Variants in MAP3K5 observed in about 807,000 individuals in gnomAD.
MAP3K5 encodes mitogen-activated protein kinase kinase kinase 5.
In MAP3K5, 56 loss-of-function variants were observed where a neutral mutation model predicts 158.7. That is an observed-to-expected ratio of 0.35 (90% CI 0.28 to 0.44). The LOEUF (loss-of-function observed/expected upper bound fraction) is 0.44, where lower values mean the gene tolerates loss of function less well. Among genes scored for constraint, MAP3K5 ranks in the 20% least tolerant of loss-of-function variants. The pLI is 1.00. For missense variants in MAP3K5, 1,294 were observed against 1,674.8 expected (o/e 0.77, Z 3.97); for synonymous variants, 579 against 601.7 (o/e 0.96, Z 0.55).
At chr6:136,570,017 C>T (rs1012617375) in intron 25 of MAP3K5, among the ~76,000 whole-genome samples, 1 of 152,126 alleles carries the variant, frequency 6.6e-6, no homozygotes, top group Non-Finnish European at 1.5e-5. Context: ...GAAGAAAACA[C>T]ATACATGCAA....
At chr6:136,781,510 C>A (rs575226655) in intron 1 of MAP3K5, among the ~76,000 whole-genome samples, 1 of 152,142 alleles carries the variant, frequency 6.6e-6, no homozygotes, top group Non-Finnish European at 1.5e-5. Flanking sequence ...GCAGGTGGAA[C>A]GGTAGTATAG....
intron 1 of MAP3K5, among the ~76,000 whole-genome samples, chr6:136,760,065 C>T (rs1482911216): frequency 2.0e-5 from 3 of 152,160 alleles, no homozygotes; most frequent in Non-Finnish European, 4.4e-5. Flanking sequence ...TTCTTACAGA[C>T]ATCAAAGAAA....
chr6:136,716,891 C>T (rs1781553099), intron 2 of MAP3K5, among the ~76,000 whole-genome samples: 1 of 152,164 alleles, frequency 6.6e-6, no homozygotes, highest in African/African-American at 2.4e-5. Flanking sequence ...GGCACAGTGG[C>T]TCACGCCTGT....
At chr6:136,631,221 G>A (rs773813565) in intron 14 of MAP3K5, among the ~76,000 whole-genome samples, 26 of 152,116 alleles carry the variant, frequency 1.7e-4, no homozygotes, top group African/African-American at 4.1e-4. Context: ...GCTTTTCCCC[G>A]TTCCCAACAG....
intron 1 of MAP3K5, among the ~76,000 whole-genome samples, chr6:136,755,689 CAAAA>C (rs772339028): frequency 4.1e-5 from 2 of 48,232 alleles, no homozygotes; most frequent in Non-Finnish European, 5.7e-5. Context: ...ACTCTGTCTC[CAAAA>C]AAAAAAAAAA....
intron 1 of MAP3K5, among the ~76,000 whole-genome samples, chr6:136,759,101 G>A (rs1335690764): frequency 6.6e-6 from 1 of 152,222 alleles, no homozygotes; most frequent in East Asian, 1.9e-4. Context: ...AACCTGGGAG[G>A]TGAAGGTTGC....
intron 23 of MAP3K5, among the ~76,000 whole-genome samples, chr6:136,588,501 T>C (rs144750878): frequency 1.0e-3 from 153 of 152,372 alleles, no homozygotes; most frequent in African/African-American, 3.5e-3. Context: ...ATATGTTTTA[T>C]ATATATGTAT....
At chr6:136,561,436 T>G in intron 28 of MAP3K5, 97 bp downstream of exon 28, 1 of 845,520 alleles carries the variant, frequency 1.2e-6, no homozygotes, top group East Asian at 2.5e-5. Flanking sequence ...GGGTCTGATT[T>G]GCTCACCAGT....
chr6:136,668,590 C>A (rs752034488), intron 8 of MAP3K5, among the ~76,000 whole-genome samples: 1 of 152,054 alleles, frequency 6.6e-6, no homozygotes, highest in African/African-American at 2.4e-5. Flanking sequence ...GACAGGATTC[C>A]AGTATCTAGA....
intron 27 of MAP3K5, 71 bp downstream of exon 27, chr6:136,562,432 C>T: frequency 2.9e-6 from 2 of 679,094 alleles, no homozygotes; most frequent in South Asian, 5.3e-5. Flanking sequence ...AATAAAACTT[C>T]CTGTTGGCTT....
At chr6:136,640,814 G>T (rs1022645120) in intron 12 of MAP3K5, among the ~76,000 whole-genome samples, 1 of 152,202 alleles carries the variant, frequency 6.6e-6, no homozygotes, top group African/African-American at 2.4e-5. Context: ...GACCTAGTTG[G>T]ATTTTCTTCC....
chr6:136,719,443 C>G (rs1440305655), intron 2 of MAP3K5, among the ~76,000 whole-genome samples: 1 of 152,136 alleles, frequency 6.6e-6, no homozygotes, highest in Non-Finnish European at 1.5e-5. Context: ...GGGCAAATCT[C>G]TTAGAACTGT....
intron 1 of MAP3K5, among the ~76,000 whole-genome samples, chr6:136,735,430 T>A (rs12173678): frequency 0.33 from 50,296 of 152,076 alleles, 10,415 homozygotes; most frequent in East Asian, 0.45. Flanking sequence ...TATGAGATAA[T>A]CAAAATTTTG....
In MAP3K5 at chr6:136,607,546, G is replaced by A. The variant is rs140471627; in HGVS notation, c.2522-2180C>T. Among the ~76,000 whole-genome samples the A allele has an allele frequency of 1.6e-4, 24 of 152,228 alleles. No homozygotes were observed. In the Middle Eastern group the frequency reaches 0.01, roughly 65 times the overall value. ...GAAGATGAGAGCCAACCTGAACACT[G>A]GCTTAAGTAAAATCAATGAGAGTAT... is the stretch of plus-strand genomic sequence containing the variant. On this transcript the variant is annotated intron_variant, in intron 18 of 29. Coordinates refer to ENST00000359015, the MANE Select transcript of MAP3K5 (RefSeq NM_005923.4).
chr6:136,688,523 C>A (rs1322422095), intron 7 of MAP3K5, among the ~76,000 whole-genome samples: 1 of 152,126 alleles, frequency 6.6e-6, no homozygotes, highest in Non-Finnish European at 1.5e-5. Context: ...ATCCTGACAT[C>A]TTCAATTTGA....
In MAP3K5 at chr6:136,729,374, A is replaced by T. The variant is rs565693953; in HGVS notation, c.449-8785T>A. 3.7e-4 allele frequency among the ~76,000 whole-genome samples: 57 copies of T among 152,300 alleles called. No individual in the cohort carries two copies. In the South Asian group the frequency reaches 0.011, roughly 29 times the overall value. ...CTGAGCTGTGGTTTCTTCAACTATA[A>T]ATTGGGAATAACAACCTAGGTATTT... On this transcript the variant is annotated intron_variant, in intron 1 of 29. Coordinates refer to ENST00000359015, the MANE Select transcript of MAP3K5 (RefSeq NM_005923.4).
At chr6:136,598,782 G>C (rs1355808484) in intron 21 of MAP3K5, among the ~76,000 whole-genome samples, 1 of 152,154 alleles carries the variant, frequency 6.6e-6, no homozygotes, top group Non-Finnish European at 1.5e-5. Flanking sequence ...GAAGAGGCCT[G>C]TATCTTGTAC....
intron 20 of MAP3K5, among the ~76,000 whole-genome samples, 196 bp downstream of exon 20, chr6:136,601,606 G>C (rs1239680911): frequency 6.6e-6 from 1 of 152,158 alleles, no homozygotes. Flanking sequence ...TTATGTATGA[G>C]GTCCCAGCAC....
At chr6:136,637,558 C>T (rs1777700744) in intron 13 of MAP3K5, 152 bp from the exon 14 acceptor site, 1 of 502,012 alleles carries the variant, frequency 2.0e-6, no homozygotes, top group East Asian at 3.2e-5. Context: ...GTGAAAAATA[C>T]AATTTTTCAA....
Sources: gnomAD v4.1 joint callset for allele counts (sites outside exome capture counted in the v4.1 genomes callset) on GRCh38, gnomAD v4.1.1 for gene constraint, MANE v1.5 for transcripts, NCBI Gene and HGNC (gene_info 2026-07-23, HGNC 2026-07-21) for gene names.